LSAMP: variants seen among roughly 807,000 people sequenced by gnomAD.
The protein encoded by LSAMP is limbic system associated membrane protein, also known as limbic system-associated membrane protein.
A neutral mutation model predicts 38.6 loss-of-function variants in LSAMP; 7 were observed. That is an observed-to-expected ratio of 0.18 (90% confidence interval 0.10 to 0.34). The LOEUF (loss-of-function observed/expected upper bound fraction) is 0.34, where lower values mean the gene tolerates loss of function less well. Among genes scored for constraint, LSAMP ranks in the 10% least tolerant of loss-of-function variants. The pLI, the probability that LSAMP is intolerant of heterozygous loss-of-function variation, is 1.00. For missense variants in LSAMP, 313 were observed against 420.0 expected (o/e 0.75, Z 2.23); for synonymous variants, 154 against 166.8 (o/e 0.92, Z 0.59).
intron 6 of LSAMP, among the ~76,000 whole-genome samples, chr3:115,829,600 T>C (rs954610700): frequency 6.6e-6 from 1 of 152,204 alleles, no homozygotes; most frequent in Admixed American, 6.5e-5. Flanking sequence ...GCAGGTCCTT[T>C]AGGCTGATGG....
chr3:115,978,756 T>A (rs1327237354), intron 3 of LSAMP, among the ~76,000 whole-genome samples: 14 of 151,964 alleles, frequency 9.2e-5, no homozygotes, highest in Admixed American at 9.2e-4. Flanking sequence ...GGGCAGGCTA[T>A]CAACTTACAG....
At chr3:116,384,973 G>A (rs902606085) in intron 1 of LSAMP, among the ~76,000 whole-genome samples, 2 of 152,094 alleles carry the variant, frequency 1.3e-5, no homozygotes, top group East Asian at 3.9e-4. Context: ...GAGGTGCTGG[G>A]CACTAAGCAG....
chr3:116,325,303 G>A (rs2047755367), intron 1 of LSAMP, among the ~76,000 whole-genome samples: 2 of 151,746 alleles, frequency 1.3e-5, no homozygotes, highest in Non-Finnish European at 1.5e-5. Flanking sequence ...ACCACACCTG[G>A]CCTAAATATT....
rs17700153 is a variant in LSAMP, at chr3:116,193,045, G to A, written c.156-106489C>T. The stretch of plus-strand genomic sequence containing the variant: ...AGTTTCCTGTACAATTACAAATGAG[G>A]ATGAGGGCGATGTTATTATTCTTTA... On this transcript the variant is annotated intron_variant, in intron 1 of 6. Transcript: ENST00000490035. Among the ~76,000 whole-genome samples the A allele has an allele frequency of 8.7e-3, 1,328 of 152,260 alleles. 22 individuals are homozygous for A. Among genetic ancestry groups the A allele is most frequent in the Middle Eastern group, 0.048 (14 of 294 alleles).
At chr3:115,819,503 G>A (rs1031262328) in intron 6 of LSAMP, among the ~76,000 whole-genome samples, 2 of 152,042 alleles carry the variant, frequency 1.3e-5, no homozygotes, top group South Asian at 2.1e-4. Context: ...ATGTGCCTGC[G>A]TTAACCTGTC....
chr3:116,354,506 C>T (rs1276236920), intron 1 of LSAMP, among the ~76,000 whole-genome samples: 3 of 152,126 alleles, frequency 2.0e-5, no homozygotes, highest in Admixed American at 6.5e-5. Context: ...CAGTGGCTTT[C>T]CCTTGGCAAT....
At chr3:116,126,861 CAAAACA>C (rs147040246) in intron 1 of LSAMP, among the ~76,000 whole-genome samples, 10,391 of 151,822 alleles carry the variant, frequency 0.068, 1,158 homozygotes, top group African/African-American at 0.24. Flanking sequence ...AACTCCACCT[CAAAACA>C]AAAACAAAAA....
chr3:116,232,699 C>CTTTTTCT (rs2046416053), intron 1 of LSAMP, among the ~76,000 whole-genome samples: 1 of 99,448 alleles, frequency 1.0e-5, no homozygotes, highest in African/African-American at 3.1e-5. Flanking sequence ...TTCTTTCTTT[C>CTTTTTCT]TTTTTTTTTT....
intron 1 of LSAMP, among the ~76,000 whole-genome samples, chr3:116,299,480 TTTAA>T (rs1275317566): frequency 6.6e-6 from 1 of 152,228 alleles, no homozygotes; most frequent in Non-Finnish European, 1.5e-5. Context: ...CAGAAATACT[TTTAA>T]TTAATCTGAA....
chr3:116,021,517 T>C (rs995587493), intron 2 of LSAMP, among the ~76,000 whole-genome samples: 7 of 152,148 alleles, frequency 4.6e-5, no homozygotes, highest in Non-Finnish European at 8.8e-5. Flanking sequence ...AAATCAATGA[T>C]AGTGTTTCAG....
intron 3 of LSAMP, among the ~76,000 whole-genome samples, chr3:115,997,911 A>G (rs974057028): frequency 1.4e-5 from 2 of 147,082 alleles, no homozygotes; most frequent in Admixed American, 6.8e-5. Context: ...TAAAATACAT[A>G]TATACATATA....
At chr3:116,219,541 A>T (rs2046258068) in intron 1 of LSAMP, among the ~76,000 whole-genome samples, 1 of 152,198 alleles carries the variant, frequency 6.6e-6, no homozygotes, top group South Asian at 2.1e-4. Flanking sequence ...ACTGGTTTTC[A>T]TAGTGGCTAC....
At chr3:116,226,367 T>G (rs1199742587) in intron 1 of LSAMP, among the ~76,000 whole-genome samples, 2 of 152,206 alleles carry the variant, frequency 1.3e-5, no homozygotes, top group South Asian at 2.1e-4. Flanking sequence ...TAGAAAGTGA[T>G]CCCAACAAAT....
intron 2 of LSAMP, among the ~76,000 whole-genome samples, chr3:116,074,555 T>A (rs1200359684): frequency 6.6e-6 from 1 of 152,186 alleles, no homozygotes. Context: ...AAAACTTTGA[T>A]AGATATCCCT....
At chr3:115,998,041 C>A (rs2107653834) in intron 3 of LSAMP, among the ~76,000 whole-genome samples, 1 of 151,042 alleles carries the variant, frequency 6.6e-6, no homozygotes, top group East Asian at 2.0e-4. Flanking sequence ...CCTCAACCCA[C>A]TAGATGCTGG....
At chr3:116,113,770 C>T (rs1486776633) in intron 1 of LSAMP, among the ~76,000 whole-genome samples, 3 of 152,086 alleles carry the variant, frequency 2.0e-5, no homozygotes, top group African/African-American at 7.2e-5. Context: ...GTTGTTGATA[C>T]TGTCATTGCT....
intron 4 of LSAMP, among the ~76,000 whole-genome samples, chr3:115,843,443 A>C (rs1935060008): frequency 1.3e-5 from 2 of 152,236 alleles, no homozygotes; most frequent in African/African-American, 4.8e-5. Context: ...AAGCTCCTGA[A>C]CTGGATGATG....
At chr3:115,870,615 G>A (rs894380250) in intron 3 of LSAMP, among the ~76,000 whole-genome samples, 5 of 152,152 alleles carry the variant, frequency 3.3e-5, no homozygotes, top group African/African-American at 4.8e-5. Context: ...CACTCTGGTG[G>A]TGATTTTGAT....
chr3:116,392,759 G>GGCT (rs2048720910), intron 1 of LSAMP, among the ~76,000 whole-genome samples: 1 of 152,194 alleles, frequency 6.6e-6, no homozygotes, highest in Non-Finnish European at 1.5e-5. Context: ...GGACCAATCA[G>GGCT]CATACACTTC....
Sources: allele counts gnomAD v4.1 joint callset (sites outside exome capture counted in the v4.1 genomes callset), GRCh38; gene constraint gnomAD v4.1.1; transcripts MANE v1.5; gene names NCBI Gene and HGNC (gene_info 2026-07-23, HGNC 2026-07-21).